NRG3: variants seen among roughly 807,000 people sequenced by gnomAD.
The protein encoded by NRG3 is neuregulin 3.
NRG3 carries 31 observed loss-of-function variants against 66.9 expected under a neutral mutation model. The ratio of observed to expected loss-of-function variants is 0.46; its 90% CI spans 0.35 to 0.63. The LOEUF is 0.63. NRG3 is among the 20% of genes least tolerant of loss of function. The pLI, the probability that NRG3 is intolerant of heterozygous loss-of-function variation, is 0.00. For synonymous variants in NRG3, 393 were observed against 359.4 expected (o/e 1.09, Z -1.06); for missense variants, 910 against 878.9 (o/e 1.04, Z -0.45).
At chr10:82,348,157 T>G (rs2083161337) in intron 1 of NRG3, among the ~76,000 whole-genome samples, 1 of 152,216 alleles carries the variant, frequency 6.6e-6, no homozygotes, top group Admixed American at 6.5e-5. Flanking sequence ...AGTTTCTTCC[T>G]AGCCTCGATG....
intron 3 of NRG3, among the ~76,000 whole-genome samples, chr10:82,761,907 C>A (rs2059319196): frequency 7.6e-6 from 1 of 131,538 alleles, no homozygotes; most frequent in Non-Finnish European, 1.7e-5. Flanking sequence ...TCCGTTCTTT[C>A]TTCTTTCTTT....
At chr10:82,061,861 T>TCA (rs869107574) in intron 1 of NRG3, among the ~76,000 whole-genome samples, 2,762 of 147,816 alleles carry the variant, frequency 0.019, 45 homozygotes, top group Non-Finnish European at 0.026. Context: ...TCTCTCTCTC[T>TCA]CACACACACA....
intron 1 of NRG3, among the ~76,000 whole-genome samples, chr10:82,172,044 G>T (rs1307582003): frequency 1.3e-5 from 2 of 152,044 alleles, no homozygotes; most frequent in Admixed American, 6.6e-5. Context: ...TGTGTTTGGG[G>T]TTGATGAAAA....
chr10:82,549,393 G>C (rs527812314), intron 2 of NRG3, among the ~76,000 whole-genome samples: 1 of 152,218 alleles, frequency 6.6e-6, no homozygotes. Context: ...GCAGACAATG[G>C]GTGAGACACG....
At chr10:82,609,635 A>C (rs2048186513) in intron 2 of NRG3, among the ~76,000 whole-genome samples, 1 of 152,034 alleles carries the variant, frequency 6.6e-6, no homozygotes, top group Non-Finnish European at 1.5e-5. Flanking sequence ...AAATAGTTGG[A>C]AAACATGTGT....
chr10:82,110,050 C>G (rs976072148), intron 1 of NRG3, among the ~76,000 whole-genome samples: 2 of 152,102 alleles, frequency 1.3e-5, no homozygotes, highest in African/African-American at 4.8e-5. Flanking sequence ...AAAGACAATA[C>G]ACAAAACAGG....
intron 2 of NRG3, among the ~76,000 whole-genome samples, chr10:82,562,515 T>G (rs1372959278): frequency 6.6e-6 from 1 of 152,206 alleles, no homozygotes; most frequent in African/African-American, 2.4e-5. Context: ...GACAAAAAAC[T>G]GAGAAAGTTT....
At chr10:82,486,554 A>G (rs1216909401) in intron 2 of NRG3, among the ~76,000 whole-genome samples, 1 of 152,066 alleles carries the variant, frequency 6.6e-6, no homozygotes, top group Non-Finnish European at 1.5e-5. Context: ...AGCTGGGATT[A>G]CAGGCATGTG....
intron 2 of NRG3, among the ~76,000 whole-genome samples, chr10:82,425,661 G>A (rs1255644945): frequency 1.3e-5 from 2 of 152,110 alleles, no homozygotes; most frequent in Admixed American, 6.6e-5. Flanking sequence ...GCCACACACG[G>A]TGTATTGGAT....
At chr10:82,343,556 T>C (rs142960574) in intron 1 of NRG3, among the ~76,000 whole-genome samples, 120 of 152,228 alleles carry the variant, frequency 7.9e-4, no homozygotes, top group African/African-American at 2.8e-3. Flanking sequence ...AAAATTCATG[T>C]GGAACCAAAA....
At chr10:81,944,896 A>C (rs1848710435) in intron 1 of NRG3, among the ~76,000 whole-genome samples, 1 of 152,148 alleles carries the variant, frequency 6.6e-6, no homozygotes, top group Non-Finnish European at 1.5e-5. Flanking sequence ...GGCATGATCT[A>C]GACCTCTGGG....
chr10:82,817,082 C>T (rs755342101), intron 3 of NRG3, among the ~76,000 whole-genome samples: 19 of 152,190 alleles, frequency 1.2e-4, no homozygotes, highest in African/African-American at 4.1e-4. Context: ...GCCTTTTCCA[C>T]GCTGCTGAAA....
intron 2 of NRG3, among the ~76,000 whole-genome samples, chr10:82,576,799 A>G (rs757395392): frequency 1.3e-4 from 20 of 151,694 alleles, no homozygotes; most frequent in Non-Finnish European, 2.7e-4. Context: ...TCCCTAGCCC[A>G]GTGTTTGAGA....
chr10:81,909,902 T>C (rs1844959716), intron 1 of NRG3, among the ~76,000 whole-genome samples: 1 of 152,186 alleles, frequency 6.6e-6, no homozygotes, highest in African/African-American at 2.4e-5. Context: ...TCTTATTTCT[T>C]ATAAGAAATT....
intron 1 of NRG3, among the ~76,000 whole-genome samples, chr10:81,975,678 G>A (rs914489699): frequency 2.0e-5 from 3 of 152,178 alleles, no homozygotes; most frequent in African/African-American, 7.2e-5. Flanking sequence ...CTCTTGCAGA[G>A]AGAATCATGG....
chr10:82,303,336 A>AACACACAC (rs144860357), intron 1 of NRG3, among the ~76,000 whole-genome samples: 38,133 of 149,160 alleles, frequency 0.26, 4,895 homozygotes, highest in Non-Finnish European at 0.28. Context: ...TGCGTGTATA[A>AACACACAC]ACACACACAC....
chr10:82,057,246 C>A (rs899509301), intron 1 of NRG3, among the ~76,000 whole-genome samples: 2 of 151,888 alleles, frequency 1.3e-5, no homozygotes, highest in Admixed American at 6.6e-5. Flanking sequence ...TTTTTCATTT[C>A]TATAGAGTTA....
intron 2 of NRG3, among the ~76,000 whole-genome samples, chr10:82,390,505 C>A (rs1466849660): frequency 1.3e-5 from 2 of 151,994 alleles, no homozygotes; most frequent in East Asian, 3.9e-4. Context: ...ATAGGGGGAC[C>A]TACTTATGCA....
At chr10:82,552,306 T>C (rs187036840) in intron 2 of NRG3, among the ~76,000 whole-genome samples, 1 of 152,316 alleles carries the variant, frequency 6.6e-6, no homozygotes, top group East Asian at 1.9e-4. Flanking sequence ...AATGATTTTT[T>C]TCCTATCATC....
Sources: allele counts gnomAD v4.1 joint callset (sites outside exome capture counted in the v4.1 genomes callset), GRCh38; gene constraint gnomAD v4.1.1; transcripts MANE v1.5; gene names NCBI Gene and HGNC (gene_info 2026-07-23, HGNC 2026-07-21).